THAP4: variants seen among roughly 807,000 people sequenced by gnomAD.
THAP4 encodes the protein THAP domain containing 4, also known as peroxynitrite isomerase THAP4.
A neutral mutation model predicts 48.1 loss-of-function variants in THAP4; 18 were observed. The observed-to-expected ratio is 0.37, with a 90% CI of 0.26 to 0.56. The LOEUF is 0.56. THAP4 is among the 20% of genes least tolerant of loss of function. THAP4 has a pLI of 0.78. For missense variants in THAP4, 656 were observed against 774.9 expected (o/e 0.85, Z 1.82); for synonymous variants, 345 against 324.9 (o/e 1.06, Z -0.66).
chr2:241,593,044 A>C (rs2067005349), intron 5 of THAP4, among the ~76,000 whole-genome samples: 1 of 152,122 alleles, frequency 6.6e-6, no homozygotes, highest in Non-Finnish European at 1.5e-5. Context: ...TGAGTTTGAG[A>C]CCAGCCTGAG....
rs1208329741 is a variant in THAP4 at position 241,616,176 on chromosome 2, C to T, written c.1241-9703G>A. 6.6e-6 allele frequency among the ~76,000 whole-genome samples: 1 copy of T among 152,204 alleles called. No individual in the cohort carries two copies. The highest frequency in any genetic ancestry group is 1.9e-4 in the East Asian group (1 of 5,196). ...CAAGTGGGCCTGGATGGGCCAGAAC[C>T]TTTTACGTAGGAGGGACGTGGCCCG... On this transcript the variant is annotated intron_variant, in intron 2 of 5. Coordinates refer to ENST00000407315, the MANE Select transcript of THAP4 (RefSeq NM_015963.6). The surrounding 1 kb of genome is among the most constrained non-coding windows in gnomAD (Gnocchi z 4.6).
intron 5 of THAP4, among the ~76,000 whole-genome samples, chr2:241,586,874 C>A (rs573340733): frequency 6.6e-6 from 1 of 152,246 alleles, no homozygotes; most frequent in African/African-American, 2.4e-5. Flanking sequence ...AGACTGAACA[C>A]ATGTGTAACC....
chr2:241,606,508 C>T, intron 2 of THAP4, 35 bp from the exon 3 acceptor site: 1 of 1,553,646 alleles, frequency 6.4e-7, no homozygotes, highest in Non-Finnish European at 8.7e-7. Context: ...CAGTGGCCTC[C>T]CTCCAACCAT....
intron 2 of THAP4, among the ~76,000 whole-genome samples, chr2:241,624,769 C>T (rs1268799538): frequency 1.3e-5 from 2 of 152,232 alleles, no homozygotes; most frequent in Non-Finnish European, 2.9e-5. Flanking sequence ...CTGTTTATGG[C>T]TTGGTCTTTC....
intron 5 of THAP4, among the ~76,000 whole-genome samples, chr2:241,597,038 T>G (rs1472542278): frequency 6.6e-6 from 1 of 152,266 alleles, no homozygotes; most frequent in Non-Finnish European, 1.5e-5. Flanking sequence ...ATTAGATGGC[T>G]TCTTTCACTC....
At chr2:241,605,305 C>A (rs1469449143) in intron 3 of THAP4, among the ~76,000 whole-genome samples, 1 of 152,134 alleles carries the variant, frequency 6.6e-6, no homozygotes, top group Non-Finnish European at 1.5e-5. Context: ...TCTGAAACTG[C>A]TAGGCATTAT....
intron 5 of THAP4, among the ~76,000 whole-genome samples, chr2:241,591,071 C>T (rs1029948536): frequency 6.6e-6 from 1 of 151,592 alleles, no homozygotes; most frequent in Non-Finnish European, 1.5e-5. Context: ...CAGAGCTGCT[C>T]GGCTGATGAT....
At chr2:241,637,318 G>T, upstream of THAP4, 1 of 1,226,468 alleles carries the variant, frequency 8.2e-7, no homozygotes, top group Non-Finnish European at 1.0e-6. Context: ...GCCCCGGCGG[G>T]GCAAGTCCGT....
intron 5 of THAP4, among the ~76,000 whole-genome samples, chr2:241,587,246 T>C (rs964889190): frequency 5.9e-5 from 9 of 152,126 alleles, no homozygotes; most frequent in African/African-American, 2.2e-4. Flanking sequence ...GGGGCCCAGA[T>C]AAAATAAAAA....
At chr2:241,614,020 G>C (rs2067309160) in intron 2 of THAP4, among the ~76,000 whole-genome samples, 1 of 152,020 alleles carries the variant, frequency 6.6e-6, no homozygotes, top group Non-Finnish European at 1.5e-5. Context: ...CAGGCATGGT[G>C]GTGCGTGTCT....
At chr2:241,603,133 G>T in intron 3 of THAP4, 54 bp from the exon 4 acceptor site, 1 of 1,441,198 alleles carries the variant, frequency 6.9e-7, no homozygotes. Flanking sequence ...AAGATGGCGT[G>T]GGCTGCGTGG....
chr2:241,637,533 GC>G (rs202246060), upstream of THAP4: 1,192 of 1,449,640 alleles, frequency 8.2e-4, 13 homozygotes, highest in East Asian at 0.024. Context: ...GCGCCCCGGG[GC>G]TCGCGTCGGC....
In THAP4 at chr2:241,601,596, A is replaced by G. The variant is rs2067113662; in HGVS notation, c.1614+300T>C. On this transcript the variant is annotated intron_variant, in intron 5 of 5. Transcript: ENST00000407315. The surrounding 1 kb of genome is among the most constrained non-coding windows in gnomAD (Gnocchi z 4.0). ...CCTTTGATCCAGCAATTTAACTGGG[A>G]AAAATTTATCAATAGATATGGATAT... is the stretch of plus-strand genomic sequence containing the variant. Among the ~76,000 whole-genome samples the G allele has an allele frequency of 1.3e-5, 2 of 152,190 alleles. No individual in the cohort carries two copies. The highest frequency in any genetic ancestry group is 4.8e-5 in the African/African-American group (2 of 41,450).
chr2:241,633,753 G>A lies in THAP4; in HGVS notation c.404C>T (p.Pro135Leu), dbSNP rs774683488. ...AGWSPSSSGN[P>L]MAKPESRRLK... ...CCTGCGGGACTCTGGCTTGGCCATC[G>A]GGTTTCCACTCGAGGACGGTGACCA... Residue 135 changes from proline to leucine, a missense_variant, in exon 2 of 6, where the codon CCG becomes CTG. By Grantham distance (98) the Pro-to-Leu change is moderately conservative. Around this residue, in one of 4 missense-constraint regions of THAP4, gnomAD observed 391 missense variants for 412.4 expected, o/e 0.95. Coordinates refer to ENST00000407315, the MANE Select transcript of THAP4 (RefSeq NM_015963.6). The surrounding 1 kb of genome is among the most constrained non-coding windows in gnomAD (Gnocchi z 7.5). 70 of 1,612,164 alleles carry A rather than the reference G, an allele frequency of 4.3e-5. No individual in the cohort carries two copies. The East Asian group carries it at 1.1e-3, about 25-fold the overall frequency.
At chr2:241,631,743 G>A (rs922653823) in intron 2 of THAP4, among the ~76,000 whole-genome samples, 7 of 152,200 alleles carry the variant, frequency 4.6e-5, no homozygotes, top group Non-Finnish European at 8.8e-5. Context: ...GAGATTACAG[G>A]CAAGAGCTAC....
intron 1 of THAP4, 118 bp downstream of exon 1, chr2:241,636,823 G>A: frequency 4.2e-6 from 2 of 471,458 alleles, no homozygotes; most frequent in South Asian, 8.7e-5. Context: ...CCGCTCCCCC[G>A]CGCCCCGGCC....
At position 241,601,748 on chromosome 2, in the gene THAP4, C is replaced by T; in HGVS notation, c.1614+148G>A. 1 of 1,470,302 alleles carries T rather than the reference C, an allele frequency of 6.8e-7. No individual in the cohort carries two copies. The highest frequency in any genetic ancestry group is 1.3e-5 in the South Asian group (1 of 79,070). 91.1% of individuals were successfully genotyped at this position (1,470,302 alleles called of 1,614,324 possible). A position where few individuals can be genotyped will look rare whatever the true frequency, so the allele number is the denominator to read the frequency against. ...TTAGGGAACATCCACCCTGGATGGT[C>T]CGAGAAGGGAAAAGAAGGAGACAGT... On this transcript the variant is annotated intron_variant, in intron 5 of 5. Coordinates refer to ENST00000407315, the MANE Select transcript of THAP4 (RefSeq NM_015963.6). The surrounding 1 kb of genome is among the most constrained non-coding windows in gnomAD (Gnocchi z 4.0).
chr2:241,637,164 C>T, upstream of THAP4: 1 of 985,334 alleles, frequency 1.0e-6, no homozygotes, highest in Non-Finnish European at 1.2e-6. Context: ...AAGATGGAGG[C>T]GCAGGCGCCC....
rs569498836 is a variant in THAP4, at chr2:241,610,078, TCCCGAGGGC to T, written c.1241-3614_1241-3606del. Among the ~76,000 whole-genome samples, 6 of 152,110 alleles carry T rather than the reference TCCCGAGGGC, an allele frequency of 3.9e-5. No homozygotes were observed. The highest frequency in any genetic ancestry group is 3.4e-3 in the Middle Eastern group (1 of 294). Reference sequence around the variant, plus strand: ...GGCACGGCCACCACCGGCCCCTGGGTCCCGAGGGCCCCGAGGAAGAGGCCAAGGGGCCTG... The same window carrying T: ...GGCACGGCCACCACCGGCCCCTGGGTCCCGAGGAAGAGGCCAAGGGGCCTG... On this transcript the variant is annotated intron_variant, in intron 2 of 5. Coordinates refer to ENST00000407315, the MANE Select transcript of THAP4 (RefSeq NM_015963.6). This position sits in a 1 kb window ranked among gnomAD's most constrained non-coding sequence, Gnocchi z 4.2.
Sources: allele counts gnomAD v4.1 joint callset (sites outside exome capture counted in the v4.1 genomes callset), GRCh38; gene constraint gnomAD v4.1.1; regional missense constraint gnomAD v4.1.1; non-coding constraint Gnocchi (gnomAD v3.1); transcripts MANE v1.5; gene names NCBI Gene and HGNC (gene_info 2026-07-23, HGNC 2026-07-21).